The following PRICKLE2 variants were observed in gnomAD, a reference collection of about 807,000 sequenced individuals.
PRICKLE2 encodes prickle-like protein 2.
Under a neutral mutation model 81.4 loss-of-function variants are expected in PRICKLE2, and 21 were observed. The observed-to-expected ratio is 0.26, with a 90% confidence interval of 0.18 to 0.37. The LOEUF (loss-of-function observed/expected upper bound fraction) is 0.37, where lower values mean the gene tolerates loss of function less well. Ranked by LOEUF, PRICKLE2 falls within the 10% of genes least tolerant of loss-of-function variation. The probability of loss-of-function intolerance (pLI) is 1.00; values close to 1 mark genes in which losing one functional copy is unlikely to be tolerated. For missense variants in PRICKLE2, 940 were observed against 1,109.0 expected (o/e 0.85, Z 2.16); for synonymous variants, 456 against 421.5 (o/e 1.08, Z -1.00).
intron 2 of PRICKLE2, 197 bp from the exon 3 acceptor site, chr3:64,163,326 C>G: frequency 1.6e-6 from 1 of 619,854 alleles, no homozygotes; most frequent in East Asian, 2.8e-5. Context: ...GGCAAATCAT[C>G]CATATCTGGG....
chr3:64,230,114 G>C (rs1258435993), upstream of PRICKLE2, among the ~76,000 whole-genome samples: 1 of 152,104 alleles, frequency 6.6e-6, no homozygotes, highest in Non-Finnish European at 1.5e-5. Context: ...GCCTCAGCCT[G>C]GAGATGAATG....
intron 2 of PRICKLE2, among the ~76,000 whole-genome samples, chr3:64,251,273 GCT>G (rs1032168890): frequency 2.0e-5 from 3 of 152,178 alleles, no homozygotes; most frequent in African/African-American, 7.2e-5. Flanking sequence ...GGTAGTCCCT[GCT>G]CCACGCAAAC....
At chr3:64,177,639 T>C (rs2078049638) in intron 2 of PRICKLE2, among the ~76,000 whole-genome samples, 1 of 152,218 alleles carries the variant, frequency 6.6e-6, no homozygotes, top group South Asian at 2.1e-4. Flanking sequence ...CTGCCTAGTC[T>C]AGATACTTCA....
chr3:64,219,282 C>T (rs1327356392), intron 1 of PRICKLE2, among the ~76,000 whole-genome samples: 1 of 152,132 alleles, frequency 6.6e-6, no homozygotes, highest in Non-Finnish European at 1.5e-5. Flanking sequence ...TGATTTAGGA[C>T]CTTCATGTTC....
intron 2 of PRICKLE2, among the ~76,000 whole-genome samples, chr3:64,256,565 AAATAACTC>A (rs2079528293): frequency 6.6e-6 from 1 of 152,198 alleles, no homozygotes; most frequent in Non-Finnish European, 1.5e-5. Flanking sequence ...ATCATAAAGA[AAATAACTC>A]AATAAATGAT....
chr3:64,105,093 C>T (rs986092930), intron 7 of PRICKLE2, among the ~76,000 whole-genome samples: 3 of 152,134 alleles, frequency 2.0e-5, no homozygotes, highest in Non-Finnish European at 4.4e-5. Context: ...CCTGTCTCCC[C>T]AAACACAACA....
chr3:64,163,226 T>A (rs1456852435), intron 2 of PRICKLE2, 97 bp from the exon 3 acceptor site: 1 of 807,726 alleles, frequency 1.2e-6, no homozygotes, highest in East Asian at 2.4e-5. Context: ...AGGATGTAAC[T>A]GACTTCTGCA....
intron 7 of PRICKLE2, among the ~76,000 whole-genome samples, chr3:64,106,977 T>C (rs1187115106): frequency 1.3e-5 from 2 of 152,182 alleles, no homozygotes; most frequent in African/African-American, 4.8e-5. Flanking sequence ...GTTTTCTTAA[T>C]TAACAGAGAG....
At position 64,098,994 on chromosome 3, in the gene PRICKLE2, G is replaced by C; in HGVS notation, c.*57C>G. Reference sequence around the variant, plus strand: ...CGCTTTAACATTTAAAACAGTGCAAGTTTCTGACTTTACATTCTTAGCTCC... The same window carrying C: ...CGCTTTAACATTTAAAACAGTGCAACTTTCTGACTTTACATTCTTAGCTCC... On this transcript the variant is annotated 3_prime_UTR_variant, in exon 8 of 8. Coordinates refer to ENST00000638394, the MANE Select transcript of PRICKLE2 (RefSeq NM_198859.4). 1 of 1,605,876 alleles carries C rather than the reference G, an allele frequency of 6.2e-7. No homozygotes were observed. The highest frequency in any genetic ancestry group is 1.1e-5 in the South Asian group (1 of 90,734).
At chr3:64,180,261 T>C (rs1423388889) in intron 2 of PRICKLE2, among the ~76,000 whole-genome samples, 2 of 152,256 alleles carry the variant, frequency 1.3e-5, no homozygotes. Flanking sequence ...TTGAAGGGAC[T>C]GCTCCAATTC....
intron 2 of PRICKLE2, chr3:64,190,348 G>C (rs2078309913): frequency 6.6e-6 from 1 of 152,236 alleles, no homozygotes; most frequent in Non-Finnish European, 1.5e-5. Flanking sequence ...TCTGACACAT[G>C]TAAGAGTTTT....
At chr3:64,251,260 C>G (rs144316108) in intron 2 of PRICKLE2, among the ~76,000 whole-genome samples, 7 of 152,308 alleles carry the variant, frequency 4.6e-5, no homozygotes, top group Admixed American at 1.3e-4. Flanking sequence ...CATCCCCGCT[C>G]CAGGTAGTCC....
In PRICKLE2 at chr3:64,099,814, C is replaced by T. The variant is rs2076626131; in HGVS notation, c.1772G>A (p.Gly591Asp). Residue 591 changes from glycine to aspartate, a missense_variant, in exon 8 of 8, where the codon GGC becomes GAC. Around this residue, in one of 2 missense-constraint regions of PRICKLE2, gnomAD observed 670 missense variants for 717.2 expected, o/e 0.93. Transcript: ENST00000638394. The surrounding 1 kb of genome is among the most constrained non-coding windows in gnomAD (Gnocchi z 4.3). ...GAACTGCATGGACGAGTTAAGAGTG[C>T]CCATGTTGCTCAGCTTCTCAGACAC... ...MNVSEKLSNM[G>D]TLNSSMQFRS... 2 of 1,614,158 alleles carry T rather than the reference C, an allele frequency of 1.2e-6. No homozygotes were observed. Among genetic ancestry groups the T allele is most frequent in the Non-Finnish European group, 1.7e-6 (2 of 1,180,024 alleles).
chr3:64,212,933 G>A (rs1352189974), intron 1 of PRICKLE2, among the ~76,000 whole-genome samples: 2 of 152,122 alleles, frequency 1.3e-5, no homozygotes, highest in African/African-American at 4.8e-5. Flanking sequence ...AATTCATTTT[G>A]ATAAATCTTA....
At chr3:64,116,867 A>G (rs2076942729) in intron 7 of PRICKLE2, among the ~76,000 whole-genome samples, 1 of 152,180 alleles carries the variant, frequency 6.6e-6, no homozygotes. Flanking sequence ...TCATCCTGAT[A>G]CCAAAACCTG....
intron 5 of PRICKLE2, among the ~76,000 whole-genome samples, chr3:64,155,399 G>A (rs1190805391): frequency 2.6e-5 from 4 of 151,200 alleles, no homozygotes; most frequent in Admixed American, 2.0e-4. Context: ...AAGTATTAGT[G>A]AGAAAGTGGA....
chr3:64,234,405 G>A (rs1035953284), intron 2 of PRICKLE2, among the ~76,000 whole-genome samples: 1 of 152,038 alleles, frequency 6.6e-6, no homozygotes, highest in Admixed American at 6.6e-5. Flanking sequence ...CTTGCTTAAT[G>A]GCTAATAATG....
intron 2 of PRICKLE2, among the ~76,000 whole-genome samples, chr3:64,166,338 G>A (rs1434169753): frequency 6.6e-6 from 1 of 152,150 alleles, no homozygotes; most frequent in Non-Finnish European, 1.5e-5. Flanking sequence ...TGAGATTAGA[G>A]ACATTCAGTA....
At chr3:64,110,877 G>C (rs1323540240) in intron 7 of PRICKLE2, among the ~76,000 whole-genome samples, 1 of 148,064 alleles carries the variant, frequency 6.8e-6, no homozygotes, top group East Asian at 2.0e-4. Context: ...CAGGAGAATG[G>C]CGTGAATCCA....
Sources: gnomAD v4.1 joint callset for allele counts (sites outside exome capture counted in the v4.1 genomes callset) on GRCh38, gnomAD v4.1.1 for gene constraint, gnomAD v4.1.1 regional missense constraint, Gnocchi (gnomAD v3.1) non-coding constraint, MANE v1.5 for transcripts, NCBI Gene and HGNC (gene_info 2026-07-23, HGNC 2026-07-21) for gene names.